KAZN: variants seen among roughly 807,000 people sequenced by gnomAD.
KAZN encodes the protein kazrin, periplakin interacting protein.
A neutral mutation model predicts 87.4 loss-of-function variants in KAZN; 40 were observed. The observed-to-expected ratio is 0.46, with a 90% CI of 0.36 to 0.60. The LOEUF (loss-of-function observed/expected upper bound fraction) is 0.60. KAZN is among the 20% of genes least tolerant of loss of function. The probability of loss-of-function intolerance (pLI) is 0.00; values close to 1 mark genes in which losing one functional copy is unlikely to be tolerated. For missense variants in KAZN, 898 were observed against 1,073.9 expected, an observed-to-expected ratio of 0.84 and a Z score of 2.29; for synonymous variants, 466 against 458.3, an observed-to-expected ratio of 1.02 and a Z score of -0.22.
intron 2 of KAZN, among the ~76,000 whole-genome samples, chr1:14,338,629 T>C (rs1389756714): frequency 6.6e-6 from 1 of 152,124 alleles, no homozygotes; most frequent in African/African-American, 2.4e-5. Flanking sequence ...CTTTTCTTGC[T>C]GTATGTCGTC....
intron 1 of KAZN, among the ~76,000 whole-genome samples, chr1:14,013,688 A>T (rs1640429195): frequency 6.6e-6 from 1 of 152,242 alleles, no homozygotes; most frequent in Non-Finnish European, 1.5e-5. Context: ...TGACACCGTA[A>T]TCAAACTGAA....
chr1:14,163,690 C>T (rs1645760330), intron 1 of KAZN, among the ~76,000 whole-genome samples: 1 of 152,162 alleles, frequency 6.6e-6, no homozygotes, highest in South Asian at 2.1e-4. Context: ...AGTTTAACAA[C>T]CACATCACCA....
chr1:14,061,203 TTATAG>T (rs945599193), intron 1 of KAZN, among the ~76,000 whole-genome samples: 7 of 151,914 alleles, frequency 4.6e-5, no homozygotes, highest in Non-Finnish European at 1.0e-4. Flanking sequence ...ATAACAGTGG[TTATAG>T]TAGAGTGCTG....
chr1:14,433,269 C>A (rs114443261), intron 2 of KAZN, among the ~76,000 whole-genome samples: 133 of 152,308 alleles, frequency 8.7e-4, no homozygotes, highest in African/African-American at 3.1e-3. Flanking sequence ...CCCACAGAGA[C>A]AACTGCTCTC....
intron 1 of KAZN, among the ~76,000 whole-genome samples, chr1:14,649,138 G>T (rs959362569): frequency 6.6e-6 from 1 of 152,196 alleles, no homozygotes; most frequent in Non-Finnish European, 1.5e-5. Context: ...TTAATGCCCT[G>T]GTGGTGGCCA....
At chr1:14,814,511 G>C (rs1431563883) in intron 1 of KAZN, among the ~76,000 whole-genome samples, 1 of 152,212 alleles carries the variant, frequency 6.6e-6, no homozygotes, top group Non-Finnish European at 1.5e-5. Context: ...ACTGCGCCTG[G>C]CCAAAGGCTG....
intron 1 of KAZN, among the ~76,000 whole-genome samples, chr1:13,903,605 C>T (rs998700604): frequency 6.6e-6 from 1 of 152,156 alleles, no homozygotes; most frequent in East Asian, 1.9e-4. Flanking sequence ...GAAGTCTTCT[C>T]TTTGATCTCC....
chr1:14,199,655 A>G (rs1646599993), intron 2 of KAZN, among the ~76,000 whole-genome samples: 2 of 152,242 alleles, frequency 1.3e-5, no homozygotes, highest in Admixed American at 1.3e-4. Flanking sequence ...AAAATTGACA[A>G]TAGTTGCAGC....
intron 2 of KAZN, among the ~76,000 whole-genome samples, chr1:14,394,507 A>G (rs144046641): frequency 3.3e-5 from 5 of 152,374 alleles, no homozygotes; most frequent in South Asian, 2.1e-4. Flanking sequence ...TGATACTTTT[A>G]TCATTTTTAT....
intron 1 of KAZN, among the ~76,000 whole-genome samples, chr1:13,964,004 G>T (rs1641853339): frequency 1.3e-5 from 2 of 152,154 alleles, no homozygotes; most frequent in African/African-American, 4.8e-5. Context: ...AGTTAAATAG[G>T]CTGATTGATC....
At chr1:14,403,658 C>A (rs1477302472) in intron 2 of KAZN, among the ~76,000 whole-genome samples, 2 of 152,020 alleles carry the variant, frequency 1.3e-5, no homozygotes, top group Non-Finnish European at 2.9e-5. Flanking sequence ...CAGTCTAGAA[C>A]CCATGGGAGG....
chr1:15,011,372 AAGATCCCAGCTCCGAAGGCACAGGATGCC>A, intron 2 of KAZN, among the ~76,000 whole-genome samples: 1 of 152,338 alleles, frequency 6.6e-6, no homozygotes, highest in East Asian at 1.9e-4. Context: ...GGGGTCTGGC[AAGATCCCAGCTCCGAAGGCACAGGATGCC>A]AGTCACCAGA....
intron 2 of KAZN, among the ~76,000 whole-genome samples, chr1:14,297,714 T>G (rs1180223124): frequency 6.6e-6 from 1 of 152,216 alleles, no homozygotes; most frequent in Non-Finnish European, 1.5e-5. Flanking sequence ...TTCTCACTCT[T>G]ACTCATTAGA....
intron 2 of KAZN, among the ~76,000 whole-genome samples, chr1:14,394,839 A>G (rs1299041069): frequency 1.3e-5 from 2 of 152,206 alleles, no homozygotes; most frequent in Non-Finnish European, 2.9e-5. Context: ...TGGGGACAGT[A>G]TTGGATAAGT....
chr1:14,765,594 A>T (rs1433257632), intron 1 of KAZN, among the ~76,000 whole-genome samples: 1 of 152,202 alleles, frequency 6.6e-6, no homozygotes, highest in Non-Finnish European at 1.5e-5. Context: ...AGAGACAGGG[A>T]GAGCCTTCAG....
At chr1:14,025,537 A>G (rs1386299197) in intron 1 of KAZN, among the ~76,000 whole-genome samples, 2 of 152,146 alleles carry the variant, frequency 1.3e-5, no homozygotes, top group African/African-American at 4.8e-5. Context: ...TCTGTATTCT[A>G]ACAGGATCTC....
At chr1:14,039,497 A>G (rs1641708980) in intron 1 of KAZN, among the ~76,000 whole-genome samples, 1 of 152,242 alleles carries the variant, frequency 6.6e-6, no homozygotes, top group African/African-American at 2.4e-5. Context: ...GATTGTCCAC[A>G]TGAGTCGGCA....
chr1:14,453,037 G>T (rs1667362448), intron 2 of KAZN, among the ~76,000 whole-genome samples: 1 of 152,170 alleles, frequency 6.6e-6, no homozygotes, highest in Admixed American at 6.5e-5. Flanking sequence ...CTCACTGCAA[G>T]CTCTGCCTCC....
At chr1:15,004,439 C>G (rs1478264715) in intron 2 of KAZN, among the ~76,000 whole-genome samples, 1 of 152,240 alleles carries the variant, frequency 6.6e-6, no homozygotes, top group Non-Finnish European at 1.5e-5. Flanking sequence ...AGCTTTGCTA[C>G]TTTCTAGCTG....
Sources: gnomAD v4.1 joint callset for allele counts (sites outside exome capture counted in the v4.1 genomes callset) on GRCh38, gnomAD v4.1.1 for gene constraint, MANE v1.5 for transcripts, NCBI Gene and HGNC (gene_info 2026-07-23, HGNC 2026-07-21) for gene names.